The following SEPTIN9 variants were observed in gnomAD, a reference collection of about 807,000 sequenced individuals.
The protein encoded by SEPTIN9 is septin 9, also known as septin-9.
In SEPTIN9, 13 loss-of-function variants were observed where a neutral mutation model predicts 56.6. The ratio of observed to expected loss-of-function variants is 0.23; its 90% CI spans 0.15 to 0.37. The LOEUF (loss-of-function observed/expected upper bound fraction) is 0.37. SEPTIN9 is among the 10% of genes least tolerant of loss of function. The pLI is 1.00. For synonymous variants in SEPTIN9, 332 were observed against 334.1 expected (o/e 0.99, Z 0.07); for missense variants, 650 against 823.1 (o/e 0.79, Z 2.57).
intron 1 of SEPTIN9, among the ~76,000 whole-genome samples, chr17:77,305,237 G>T (rs565888387): frequency 6.6e-6 from 1 of 152,160 alleles, no homozygotes; most frequent in African/African-American, 2.4e-5. Context: ...GACATGGCTG[G>T]GGCAGGCTGG....
chr17:77,395,739 C>T (rs1377013025), intron 2 of SEPTIN9, among the ~76,000 whole-genome samples: 2 of 152,136 alleles, frequency 1.3e-5, no homozygotes, highest in Non-Finnish European at 1.5e-5. Context: ...GAATTAGGAT[C>T]TTTGTATACA....
rs1043152201 is a variant in SEPTIN9, at chr17:77,327,223, G to A, written c.76+20026G>A. ...CCACCACCCCTCCTGTAGTGGTCTC[G>A]CTGGCTGCTGCCCTCAGGTTAGTTT... On this transcript the variant is annotated intron_variant, in intron 2 of 11. Coordinates refer to ENST00000427177, the MANE Select transcript of SEPTIN9 (RefSeq NM_001113491.2). The surrounding 1 kb of genome is among the most constrained non-coding windows in gnomAD (Gnocchi z 5.0). Among the ~76,000 whole-genome samples the A allele has an allele frequency of 2.0e-5, 3 of 151,958 alleles. No individual in the cohort carries two copies. Among genetic ancestry groups the A allele is most frequent in the South Asian group, 4.2e-4 (2 of 4,808 alleles).
intron 2 of SEPTIN9, chr17:77,373,444 CG>C (rs2034793890): frequency 1.6e-5 from 24 of 1,482,182 alleles, no homozygotes; most frequent in East Asian, 6.0e-5. Flanking sequence ...CGGGCCCCGC[CG>C]GGGGCGCTTC....
At chr17:77,447,788 C>T (rs529311641) in intron 3 of SEPTIN9, among the ~76,000 whole-genome samples, 101 of 152,242 alleles carry the variant, frequency 6.6e-4, no homozygotes, top group South Asian at 5.2e-3. Context: ...CCACGCCTGG[C>T]GAATTTTTGT....
rs533438589 is a variant in SEPTIN9 at position 77,451,024 on chromosome 17, A to G, written c.722-31120A>G. On this transcript the variant is annotated intron_variant, in intron 3 of 11. Transcript: ENST00000427177. The surrounding 1 kb of genome is among the most constrained non-coding windows in gnomAD (Gnocchi z 4.2). ...GAAGCAGGGGTGTCAGGCAGAGCACAAGGAGAGAGGGTGTCCAGGTCAGTT... is the reference window on the plus strand; with the variant it reads ...GAAGCAGGGGTGTCAGGCAGAGCACGAGGAGAGAGGGTGTCCAGGTCAGTT... The G allele has an allele frequency of 6.3e-6, 1 of 159,644 alleles. No individual in the cohort carries two copies. The highest frequency in any genetic ancestry group is 1.9e-4 in the East Asian group (1 of 5,196). The allele number at this position is 159,644 out of a possible 1,614,324, so 9.9% of individuals were successfully genotyped here.
chr17:77,438,761 G>A (rs956589872), intron 3 of SEPTIN9, among the ~76,000 whole-genome samples: 1 of 152,212 alleles, frequency 6.6e-6, no homozygotes, highest in Non-Finnish European at 1.5e-5. Context: ...CATCACAAGT[G>A]TGTGGTCATT....
chr17:77,353,807 T>C (rs1036203485), intron 2 of SEPTIN9, among the ~76,000 whole-genome samples: 9 of 152,168 alleles, frequency 5.9e-5, no homozygotes, highest in African/African-American at 2.2e-4. Context: ...TCCAACATCT[T>C]AATGAAACAC....
At chr17:77,432,467 C>T (rs148338868) in intron 3 of SEPTIN9, among the ~76,000 whole-genome samples, 264 of 152,350 alleles carry the variant, frequency 1.7e-3, no homozygotes, top group Non-Finnish European at 2.2e-3. Flanking sequence ...GTGCTGAGAA[C>T]GGGGGTAGAG....
Position 77,382,175 on chromosome 17 carries a change from G to A in SEPTIN9, c.77-19884G>A, listed in dbSNP as rs568847203. ...CCTGAGTAGCTGAGACTCCAGGCAC[G>A]CACCACCACGCCCAGCTAATTTTTT... On this transcript the variant is annotated intron_variant, in intron 2 of 11. Transcript: ENST00000427177. Among the ~76,000 whole-genome samples the A allele has an allele frequency of 7.9e-5, 12 of 152,128 alleles. No homozygotes were observed. The South Asian group carries it at 2.5e-3, about 32-fold the overall frequency.
At position 77,318,561 on chromosome 17, in the gene SEPTIN9, G is replaced by A. The variant is rs767132291; in HGVS notation, c.76+11364G>A. On this transcript the variant is annotated intron_variant, in intron 2 of 11. Transcript: ENST00000427177. The surrounding 1 kb of genome is among the most constrained non-coding windows in gnomAD (Gnocchi z 4.9). Reference sequence around the variant, plus strand: ...CCCTTCCTCCCCAGCCTCCCACCTCGGCTGAGATGCTGTCCCCACCTCCCT... The same window carrying A: ...CCCTTCCTCCCCAGCCTCCCACCTCAGCTGAGATGCTGTCCCCACCTCCCT... Among the ~76,000 whole-genome samples the A allele has an allele frequency of 1.3e-5, 2 of 152,028 alleles. No homozygotes were observed. The highest frequency in any genetic ancestry group is 2.4e-5 in the African/African-American group (1 of 41,366).
At position 77,313,981 on chromosome 17, in the gene SEPTIN9, C is replaced by G. The variant is rs1487073525; in HGVS notation, c.76+6784C>G. 6.6e-6 allele frequency among the ~76,000 whole-genome samples: 1 copy of G among 152,082 alleles called. No homozygotes were observed. The highest frequency in any genetic ancestry group is 1.5e-5 in the Non-Finnish European group (1 of 67,996). ...TTTTGGAGCCGAGGTGGGAGGATCACTTGAGCTCAGGTGCTCCAGACCAGC... is the reference window on the plus strand; with the variant it reads ...TTTTGGAGCCGAGGTGGGAGGATCAGTTGAGCTCAGGTGCTCCAGACCAGC... On this transcript the variant is annotated intron_variant, in intron 2 of 11. Coordinates refer to ENST00000427177, the MANE Select transcript of SEPTIN9 (RefSeq NM_001113491.2). This position sits in a 1 kb window ranked among gnomAD's most constrained non-coding sequence, Gnocchi z 4.5.
chr17:77,294,912 A>G (rs74610515), intron 1 of SEPTIN9: 5,937 of 152,316 alleles, frequency 0.039, 169 homozygotes, highest in Middle Eastern at 0.14. Flanking sequence ...CGGTGAGTGG[A>G]GCGAGTATTG....
intron 2 of SEPTIN9, among the ~76,000 whole-genome samples, chr17:77,358,644 A>C (rs535973608): frequency 6.6e-6 from 1 of 152,222 alleles, no homozygotes; most frequent in Non-Finnish European, 1.5e-5. Context: ...TGTCTCAAAA[A>C]TAATAAATAA....
At chr17:77,384,975 T>A (rs77763463) in intron 2 of SEPTIN9, among the ~76,000 whole-genome samples, 4,765 of 152,164 alleles carry the variant, frequency 0.031, 241 homozygotes, top group African/African-American at 0.1. Flanking sequence ...CCCTTTGTTT[T>A]TGTGCATTTT....
At chr17:77,454,019 G>T in intron 3 of SEPTIN9, 2 of 977,184 alleles carry the variant, frequency 2.0e-6, no homozygotes, top group Non-Finnish European at 1.2e-6. Context: ...CATACACCCC[G>T]GATGTTTAGG....
intron 2 of SEPTIN9, among the ~76,000 whole-genome samples, chr17:77,365,971 C>A (rs1277490698): frequency 2.0e-5 from 3 of 152,132 alleles, no homozygotes; most frequent in African/African-American, 7.2e-5. Context: ...GCCTCAGACC[C>A]CACAGAGCAG....
At chr17:77,472,383 G>T (rs1053953771) in intron 3 of SEPTIN9, 1 of 152,248 alleles carries the variant, frequency 6.6e-6, no homozygotes, top group Non-Finnish European at 1.5e-5. Flanking sequence ...GGCAGTAAAA[G>T]TGGGGACCCC....
intron 2 of SEPTIN9, chr17:77,373,506 C>A (rs1403228614): frequency 1.3e-6 from 2 of 1,540,862 alleles, no homozygotes; most frequent in South Asian, 2.4e-5. Flanking sequence ...TCATGTCGGA[C>A]CCCGCGGTCA....
chr17:77,368,334 C>T (rs1376433846), intron 2 of SEPTIN9, among the ~76,000 whole-genome samples: 7 of 145,952 alleles, frequency 4.8e-5, no homozygotes, highest in African/African-American at 1.0e-4. Flanking sequence ...TTTTTTGAGA[C>T]GGAGTCTCGC....
Sources: gnomAD v4.1 joint callset for allele counts (sites outside exome capture counted in the v4.1 genomes callset) on GRCh38, gnomAD v4.1.1 for gene constraint, Gnocchi (gnomAD v3.1) non-coding constraint, MANE v1.5 for transcripts, NCBI Gene and HGNC (gene_info 2026-07-23, HGNC 2026-07-21) for gene names.